Variants in GRK4 observed in about 807,000 individuals in gnomAD.
The protein encoded by GRK4 is G protein-coupled receptor kinase 2-like.
Under a neutral mutation model 77.9 loss-of-function variants are expected in GRK4, and 73 were observed. The observed-to-expected ratio is 0.94, with a 90% CI of 0.78 to 1.14. GRK4 has a LOEUF of 1.14. GRK4 is among the 50% of genes most tolerant of loss of function. GRK4 has a pLI of 0.00. For synonymous variants in GRK4, 257 were observed against 254.4 expected (o/e 1.01, Z -0.10); for missense variants, 729 against 700.2 (o/e 1.04, Z -0.46).
chr4:3,003,467 AG>A (rs1730430962), intron 4 of GRK4, among the ~76,000 whole-genome samples: 1 of 152,076 alleles, frequency 6.6e-6, no homozygotes, highest in Admixed American at 6.6e-5. Context: ...CTGGGATTAC[AG>A]GGGTGAGTCA....
At chr4:2,998,595 A>G (rs1010463940) in intron 4 of GRK4, among the ~76,000 whole-genome samples, 9 of 152,124 alleles carry the variant, frequency 5.9e-5, no homozygotes, top group Admixed American at 1.3e-4. Context: ...AGAAATTAAG[A>G]AAGCAATTCC....
intron 4 of GRK4, among the ~76,000 whole-genome samples, chr4:2,999,722 G>T (rs1307876365): frequency 6.6e-6 from 1 of 152,098 alleles, no homozygotes; most frequent in Admixed American, 6.6e-5. Flanking sequence ...CTTGAAATTA[G>T]GCAGTGACTT....
intron 10 of GRK4, among the ~76,000 whole-genome samples, chr4:3,024,777 G>C (rs1736983562): frequency 6.6e-6 from 1 of 152,110 alleles, no homozygotes; most frequent in Non-Finnish European, 1.5e-5. Flanking sequence ...AGAATCGCTT[G>C]AACCCGGGCG....
chr4:2,981,601 A>G (rs1301553518), intron 1 of GRK4, among the ~76,000 whole-genome samples: 1 of 152,198 alleles, frequency 6.6e-6, no homozygotes, highest in Admixed American at 6.5e-5. Flanking sequence ...TTTTCTGCCC[A>G]AGTCTGGCTG....
intron 13 of GRK4, 81 bp downstream of exon 13, chr4:3,035,604 T>C: frequency 3.4e-6 from 5 of 1,455,020 alleles, no homozygotes; most frequent in Non-Finnish European, 4.6e-6. Flanking sequence ...TTTTCAAAAA[T>C]AGAGATGGGG....
chr4:2,975,528 G>T (rs1016874868), intron 1 of GRK4, among the ~76,000 whole-genome samples: 2 of 152,160 alleles, frequency 1.3e-5, no homozygotes, highest in Non-Finnish European at 2.9e-5. Context: ...CCCTGTGCGG[G>T]TGGGGAACAT....
chr4:3,000,634 G>A lies in GRK4; in HGVS notation c.340-3597G>A, dbSNP rs374853872. On this transcript the variant is annotated intron_variant, in intron 4 of 15. Coordinates refer to ENST00000398052, the MANE Select transcript of GRK4 (RefSeq NM_182982.3). The stretch of plus-strand genomic sequence containing the variant: ...GGCTGGAGTGCAGTGGCACAATCTC[G>A]GCTCACTGCAACCTTTGCCTCCTGG... 3.3e-5 allele frequency among the ~76,000 whole-genome samples: 5 copies of A among 150,202 alleles called. No individual in the cohort carries two copies. In the East Asian group the frequency reaches 5.8e-4, roughly 18 times the overall value.
At chr4:2,982,238 G>A (rs1005931571) in intron 1 of GRK4, among the ~76,000 whole-genome samples, 12 of 152,248 alleles carry the variant, frequency 7.9e-5, no homozygotes, top group South Asian at 2.1e-4. Flanking sequence ...CCTGGCTTCC[G>A]CCGGCACTGG....
intron 1 of GRK4, among the ~76,000 whole-genome samples, chr4:2,980,122 C>A (rs189277424): frequency 1.2e-3 from 180 of 152,328 alleles, no homozygotes; most frequent in Non-Finnish European, 1.6e-3. Flanking sequence ...AGCTGCCTGA[C>A]CCTCCACAGG....
chr4:2,980,211 G>A lies in GRK4; in HGVS notation c.53-4302G>A, dbSNP rs545694009. ...TCTCAATAAATAATTTGTTAGCCAG[G>A]ATTCACAGTATGGAAGGATGACTGG... On this transcript the variant is annotated intron_variant, in intron 1 of 15. Coordinates refer to ENST00000398052, the MANE Select transcript of GRK4 (RefSeq NM_182982.3). Among the ~76,000 whole-genome samples the A allele has an allele frequency of 3.3e-5, 5 of 152,288 alleles. No individual in the cohort carries two copies. In the South Asian group the frequency reaches 8.3e-4, roughly 25 times the overall value.
chr4:2,985,225 C>T (rs1723945055), intron 2 of GRK4, among the ~76,000 whole-genome samples: 1 of 150,612 alleles, frequency 6.6e-6, no homozygotes, highest in Admixed American at 6.6e-5. Flanking sequence ...ACGGTGAAAC[C>T]CCGTCTCTAC....
intron 9 of GRK4, among the ~76,000 whole-genome samples, chr4:3,021,131 C>T (rs1381401389): frequency 6.6e-6 from 1 of 152,152 alleles, no homozygotes; most frequent in Non-Finnish European, 1.5e-5. Flanking sequence ...GATGCAGCTC[C>T]CCACAGAGCC....
intron 15 of GRK4, chr4:3,039,020 A>C (rs1287399158): frequency 6.5e-6 from 1 of 153,204 alleles, no homozygotes. Context: ...GTTTGAGACC[A>C]GCCTGGCCAA....
At chr4:3,021,871 A>T (rs1358719178) in intron 9 of GRK4, among the ~76,000 whole-genome samples, 1 of 152,112 alleles carries the variant, frequency 6.6e-6, no homozygotes, top group Non-Finnish European at 1.5e-5. Flanking sequence ...ACCCGCCTGC[A>T]CTCAGTGGGG....
intron 7 of GRK4, among the ~76,000 whole-genome samples, chr4:3,011,574 C>G (rs1261275704): frequency 2.0e-5 from 3 of 152,198 alleles, no homozygotes; most frequent in Middle Eastern, 3.2e-3. Flanking sequence ...CAGACTTGCT[C>G]TGGAGGTGTT....
chr4:3,005,504 C>T (rs1283315341), intron 5 of GRK4, among the ~76,000 whole-genome samples: 1 of 152,074 alleles, frequency 6.6e-6, no homozygotes, highest in Non-Finnish European at 1.5e-5. Context: ...ATGCGGCTGC[C>T]TCTAAAATAA....
intron 4 of GRK4, among the ~76,000 whole-genome samples, chr4:3,003,064 A>G (rs930785166): frequency 3.9e-5 from 6 of 152,188 alleles, no homozygotes; most frequent in African/African-American, 1.2e-4. Context: ...TTCTGCGTCC[A>G]TTCAACAATT....
At chr4:3,018,858 G>C (rs991571351) in intron 8 of GRK4, among the ~76,000 whole-genome samples, 2 of 152,160 alleles carry the variant, frequency 1.3e-5, no homozygotes. Flanking sequence ...CAGCCTGGGC[G>C]ACAGAGCAAG....
chr4:2,975,744 C>T (rs1360417842), intron 1 of GRK4, among the ~76,000 whole-genome samples: 2 of 152,158 alleles, frequency 1.3e-5, no homozygotes, highest in African/African-American at 4.8e-5. Context: ...TCAAGCAGTT[C>T]AAGGCTGTCT....
Sources: allele counts gnomAD v4.1 joint callset (sites outside exome capture counted in the v4.1 genomes callset), GRCh38; gene constraint gnomAD v4.1.1; transcripts MANE v1.5; gene names NCBI Gene and HGNC (gene_info 2026-07-23, HGNC 2026-07-21).